Variants in MLF1 observed in about 807,000 individuals in gnomAD.
MLF1 encodes the protein myeloid leukemia factor 1.
In MLF1, 37 loss-of-function variants were observed where a neutral mutation model predicts 38.3. The ratio of observed to expected loss-of-function variants is 0.96; its 90% CI spans 0.74 to 1.27. The LOEUF (loss-of-function observed/expected upper bound fraction) is 1.27. MLF1 is among the 50% of genes most tolerant of loss of function. The probability of loss-of-function intolerance (pLI) is 0.00; values close to 1 mark genes in which losing one functional copy is unlikely to be tolerated. For missense variants in MLF1, 331 were observed against 349.2 expected, an observed-to-expected ratio of 0.95 and a Z score of 0.42; for synonymous variants, 95 against 106.5, an observed-to-expected ratio of 0.89 and a Z score of 0.66.
intron 3 of MLF1, among the ~76,000 whole-genome samples, chr3:158,595,328 G>C (rs1482227163): frequency 2.6e-5 from 4 of 152,030 alleles, no homozygotes; most frequent in African/African-American, 9.7e-5. Flanking sequence ...ATTTTTGAAG[G>C]CCTTAAGGGC....
Position 158,571,235 on chromosome 3 carries a change from G to C in MLF1, c.-66G>C. 1 of 1,351,496 alleles carries C rather than the reference G, an allele frequency of 7.4e-7. No homozygotes were observed. The highest frequency in any genetic ancestry group is 1.2e-5 in the South Asian group (1 of 83,358). 83.7% of individuals were successfully genotyped at this position (1,351,496 alleles called of 1,614,324 possible). On this transcript the variant is annotated 5_prime_UTR_variant, in exon 1 of 8. Transcript: ENST00000466246. ...GTACTGGAGGCTAGCTCTTGTCGCG[G>C]CCGCGGCGAGTTAACATCGTTTTTC...
At chr3:158,587,565 C>T (rs1307677691) in intron 1 of MLF1, among the ~76,000 whole-genome samples, 2 of 152,186 alleles carry the variant, frequency 1.3e-5, no homozygotes, top group Non-Finnish European at 2.9e-5. Context: ...GTTAGAGATA[C>T]ATGCTGCTGA....
intron 1 of MLF1, chr3:158,590,705 TATTC>T (rs1292089325): frequency 4.6e-6 from 2 of 436,254 alleles, no homozygotes; most frequent in Non-Finnish European, 9.1e-6. Flanking sequence ...ACAGAAAGCC[TATTC>T]ATGGTAACTA....
At position 158,605,270 on chromosome 3, in the gene MLF1, C is replaced by A; in HGVS notation, c.*68C>A. On this transcript the variant is annotated 3_prime_UTR_variant, in exon 8 of 8. Coordinates refer to ENST00000466246, the MANE Select transcript of MLF1 (RefSeq NM_001369783.1). ...GTTAGTAATGGTGCTGGGTAATAAG[C>A]ATAAGACCAATCTCTTGCTGTTAAA... The A allele has an allele frequency of 8.2e-7, 1 of 1,213,364 alleles. No homozygotes were observed. The highest frequency in any genetic ancestry group is 1.2e-6 in the Non-Finnish European group (1 of 850,354). The allele number at this position is 1,213,364 out of a possible 1,614,324, so 75.2% of individuals were successfully genotyped here. A position where few individuals can be genotyped will look rare whatever the true frequency, so the allele number is the denominator to read the frequency against.
At chr3:158,575,064 C>T (rs936305621) in intron 1 of MLF1, among the ~76,000 whole-genome samples, 1 of 152,038 alleles carries the variant, frequency 6.6e-6, no homozygotes, top group African/African-American at 2.4e-5. Context: ...ATTCAAGAGT[C>T]AGGGTCAGAA....
At chr3:158,572,780 G>T (rs1309172237) in intron 1 of MLF1, among the ~76,000 whole-genome samples, 1 of 146,244 alleles carries the variant, frequency 6.8e-6, no homozygotes, top group Non-Finnish European at 1.5e-5. Flanking sequence ...GCGTGCAGTG[G>T]GGGGAGGAGG....
At chr3:158,587,513 TAAG>T (rs1333720137) in intron 1 of MLF1, among the ~76,000 whole-genome samples, 1 of 152,012 alleles carries the variant, frequency 6.6e-6, no homozygotes, top group African/African-American at 2.4e-5. Context: ...AAGGAACAAT[TAAG>T]GAGTTTATCA....
At chr3:158,602,682 T>C (rs1719969998) in intron 6 of MLF1, 125 bp from the exon 7 acceptor site, 1 of 802,724 alleles carries the variant, frequency 1.2e-6, no homozygotes, top group Non-Finnish European at 1.8e-6. Flanking sequence ...TGAAGCAGCT[T>C]CCTGCCTCTG....
At chr3:158,593,792 A>T (rs943487119) in intron 3 of MLF1, among the ~76,000 whole-genome samples, 1 of 104,326 alleles carries the variant, frequency 9.6e-6, no homozygotes, top group Non-Finnish European at 2.0e-5. Context: ...GTAGATAGAT[A>T]AGCACAACGT....
At chr3:158,578,284 C>T (rs921138215) in intron 1 of MLF1, among the ~76,000 whole-genome samples, 1 of 152,038 alleles carries the variant, frequency 6.6e-6, no homozygotes, top group African/African-American at 2.4e-5. Context: ...TGTCAGTTAT[C>T]TGAGAACCTT....
chr3:158,600,849 T>G (rs1719643124), intron 6 of MLF1, among the ~76,000 whole-genome samples: 2 of 151,852 alleles, frequency 1.3e-5, no homozygotes, highest in Non-Finnish European at 2.9e-5. Context: ...CAAGTAAATC[T>G]TTTCTTTTTC....
Position 158,605,821 on chromosome 3 carries a change from T to A in MLF1, c.*619T>A. Reference sequence around the variant, plus strand: ...TAAATTGCTAATGTACATGATTGTTTTGGTTATAATTTATTTATAGAATGT... The same window carrying A: ...TAAATTGCTAATGTACATGATTGTTATGGTTATAATTTATTTATAGAATGT... On this transcript the variant is annotated 3_prime_UTR_variant, in exon 8 of 8. Coordinates refer to ENST00000466246, the MANE Select transcript of MLF1 (RefSeq NM_001369783.1). 1 of 179,330 alleles carries A rather than the reference T, an allele frequency of 5.6e-6. No homozygotes were observed. The highest frequency in any genetic ancestry group is 2.4e-5 in the African/African-American group (1 of 42,506). 11.1% of individuals were successfully genotyped at this position (179,330 alleles called of 1,614,324 possible).
At chr3:158,604,920 T>G (rs1255168788) in intron 7 of MLF1, among the ~76,000 whole-genome samples, 177 bp from the exon 8 acceptor site, 1 of 152,176 alleles carries the variant, frequency 6.6e-6, no homozygotes, top group African/African-American at 2.4e-5. Flanking sequence ...CCTCCCAAAG[T>G]GCCGGGATTA....
chr3:158,575,634 C>T (rs754133609), intron 1 of MLF1, among the ~76,000 whole-genome samples: 15 of 152,126 alleles, frequency 9.9e-5, no homozygotes, highest in Non-Finnish European at 2.1e-4. Flanking sequence ...TGCCCACTCT[C>T]TTTTATATAA....
intron 1 of MLF1, 58 bp from the exon 2 acceptor site, chr3:158,592,376 C>A: frequency 6.9e-7 from 1 of 1,443,918 alleles, no homozygotes; most frequent in Non-Finnish European, 9.3e-7. Flanking sequence ...ATTTACCTGC[C>A]TACTTACTAT....
intron 7 of MLF1, among the ~76,000 whole-genome samples, chr3:158,603,840 AAAAT>A (rs1282426264): frequency 6.6e-6 from 1 of 152,036 alleles, no homozygotes; most frequent in African/African-American, 2.4e-5. Flanking sequence ...CTCCATCTCA[AAAAT>A]AAATAAATAA....
intron 1 of MLF1, among the ~76,000 whole-genome samples, chr3:158,588,326 A>G (rs1322628806): frequency 6.6e-6 from 1 of 152,248 alleles, no homozygotes; most frequent in Non-Finnish European, 1.5e-5. Context: ...GACATAACAA[A>G]TGTTGTTTTA....
chr3:158,579,774 A>C (rs1716045245), intron 1 of MLF1, among the ~76,000 whole-genome samples: 1 of 152,194 alleles, frequency 6.6e-6, no homozygotes, highest in Admixed American at 6.5e-5. Flanking sequence ...ATTGTAGTCA[A>C]ATCACATCTA....
intron 1 of MLF1, among the ~76,000 whole-genome samples, chr3:158,575,346 CCAT>C (rs1384756436): frequency 6.6e-6 from 1 of 152,106 alleles, no homozygotes; most frequent in East Asian, 1.9e-4. Context: ...TTCATTACCA[CCAT>C]ATTACAGTTA....
Sources: allele counts gnomAD v4.1 joint callset (sites outside exome capture counted in the v4.1 genomes callset), GRCh38; gene constraint gnomAD v4.1.1; transcripts MANE v1.5; gene names NCBI Gene and HGNC (gene_info 2026-07-23, HGNC 2026-07-21).